Variants in PTPRN2 observed in about 807,000 individuals in gnomAD.
The protein encoded by PTPRN2 is receptor-type tyrosine-protein phosphatase N2.
Under a neutral mutation model 118.8 loss-of-function variants are expected in PTPRN2, and 74 were observed. The observed-to-expected ratio is 0.62, with a 90% CI of 0.52 to 0.76. The LOEUF (loss-of-function observed/expected upper bound fraction) is 0.76. PTPRN2 is among the 30% of genes least tolerant of loss of function. The pLI is 0.00. For missense variants in PTPRN2, 1,481 were observed against 1,394.4 expected (o/e 1.06, Z -0.99); for synonymous variants, 641 against 608.0 (o/e 1.05, Z -0.80).
chr7:157,941,403 A>G (rs1371876650), intron 11 of PTPRN2, among the ~76,000 whole-genome samples: 1 of 133,994 alleles, frequency 7.5e-6, no homozygotes, highest in Non-Finnish European at 1.5e-5. Flanking sequence ...ATGACACTGC[A>G]AATCTAACAC....
chr7:158,346,985 A>G (rs1016089461), intron 2 of PTPRN2, among the ~76,000 whole-genome samples: 1 of 152,102 alleles, frequency 6.6e-6, no homozygotes, highest in Non-Finnish European at 1.5e-5. Flanking sequence ...TGAGCTTATT[A>G]TATATTTTGG....
At chr7:157,758,882 A>G (rs1292015366) in intron 12 of PTPRN2, among the ~76,000 whole-genome samples, 2 of 152,156 alleles carry the variant, frequency 1.3e-5, no homozygotes, top group Admixed American at 1.3e-4. Context: ...CTCTGTGGCT[A>G]ACAAACAGCG....
chr7:158,046,000 C>A (rs966076440), intron 11 of PTPRN2, among the ~76,000 whole-genome samples: 1 of 148,062 alleles, frequency 6.8e-6, no homozygotes, highest in African/African-American at 2.5e-5. Context: ...AACCTGCGAT[C>A]CTGGAGTCCT....
intron 11 of PTPRN2, among the ~76,000 whole-genome samples, chr7:158,071,348 CGTG>C (rs1329836663): frequency 9.2e-4 from 82 of 89,456 alleles, no homozygotes; most frequent in South Asian, 1.7e-3. Context: ...TGGAGGTGCT[CGTG>C]GTGGTGGAGG....
At position 157,619,212 on chromosome 7, in the gene PTPRN2, C is replaced by T. The variant is rs755737876; in HGVS notation, c.2344+2150G>A. 3.9e-5 allele frequency among the ~76,000 whole-genome samples: 6 copies of T among 152,176 alleles called. No homozygotes were observed. The highest frequency in any genetic ancestry group is 7.4e-5 in the Non-Finnish European group (5 of 68,018). Reference sequence around the variant, plus strand: ...CCCCATCGGCAGGTCGTTTCTGCCACGCTCCGGGCTGTCTTTGGGGAGGGC... The same window carrying T: ...CCCCATCGGCAGGTCGTTTCTGCCATGCTCCGGGCTGTCTTTGGGGAGGGC... On this transcript the variant is annotated intron_variant, in intron 15 of 22. Coordinates refer to ENST00000389418, the MANE Select transcript of PTPRN2 (RefSeq NM_002847.5). The surrounding 1 kb of genome is among the most constrained non-coding windows in gnomAD (Gnocchi z 5.3).
chr7:158,221,006 T>C (rs1318633289), intron 3 of PTPRN2, among the ~76,000 whole-genome samples: 4 of 151,738 alleles, frequency 2.6e-5, no homozygotes, highest in Non-Finnish European at 5.9e-5. Context: ...ATGGTACTGG[T>C]ACAAAAACAG....
chr7:158,139,660 G>A (rs1029748230), intron 6 of PTPRN2, among the ~76,000 whole-genome samples: 6 of 151,940 alleles, frequency 3.9e-5, no homozygotes, highest in Admixed American at 3.3e-4. Flanking sequence ...GTCAGAGATG[G>A]AGAAGATTCC....
chr7:158,072,014 A>ATGGAGGTGCCCGTGG, intron 11 of PTPRN2, among the ~76,000 whole-genome samples: 6 of 62,820 alleles, frequency 9.6e-5, no homozygotes, highest in African/African-American at 3.9e-4. Flanking sequence ...TGCTCGTCGT[A>ATGGAGGTGCCCGTGG]TGGAGGTGCT....
chr7:158,119,933 A>G (rs1817022032), intron 9 of PTPRN2, among the ~76,000 whole-genome samples: 1 of 152,136 alleles, frequency 6.6e-6, no homozygotes, highest in South Asian at 2.1e-4. Flanking sequence ...CTCAATCACT[A>G]AAGCATGGGG....
Position 157,971,622 on chromosome 7 carries a change from T to C in PTPRN2, c.1724-72885A>G, listed in dbSNP as rs144450744. Among the ~76,000 whole-genome samples the C allele has an allele frequency of 9.2e-5, 14 of 152,236 alleles. No individual in the cohort carries two copies. In the East Asian group the frequency reaches 2.5e-3, roughly 27 times the overall value. On this transcript the variant is annotated intron_variant, in intron 11 of 22. Coordinates refer to ENST00000389418, the MANE Select transcript of PTPRN2 (RefSeq NM_002847.5). ...ATCTTGTAAAACTGCCACCCTGTTT[T>C]ACGATTAAGTGCATTTCTTGCACAC...
rs111235309 is a variant in PTPRN2, at chr7:158,169,773, C to T, written c.550-2482G>A. ...AGTGGCACATCTCGGCTCACTGCAACCTCCACCTCTGGGGTTCAAGCGACT... is the reference window on the plus strand; with the variant it reads ...AGTGGCACATCTCGGCTCACTGCAATCTCCACCTCTGGGGTTCAAGCGACT... On this transcript the variant is annotated intron_variant, in intron 5 of 22. Coordinates refer to ENST00000389418, the MANE Select transcript of PTPRN2 (RefSeq NM_002847.5). 4.3e-3 allele frequency among the ~76,000 whole-genome samples: 660 copies of T among 152,110 alleles called. 4 individuals are homozygous for T. Among genetic ancestry groups the T allele is most frequent in the Non-Finnish European group, 7.2e-3 (492 of 68,010 alleles).
chr7:157,983,853 C>T (rs1193311275), intron 11 of PTPRN2, among the ~76,000 whole-genome samples: 2 of 152,178 alleles, frequency 1.3e-5, no homozygotes, highest in African/African-American at 4.8e-5. Context: ...GTGGGTCTGG[C>T]TGTGTGAGCC....
chr7:158,462,111 C>T (rs1341691468), intron 2 of PTPRN2, among the ~76,000 whole-genome samples: 1 of 44,196 alleles, frequency 2.3e-5, no homozygotes, highest in African/African-American at 7.0e-5. Context: ...GGTCCACACA[C>T]CAGGGCCCCT....
chr7:158,103,538 C>T (rs1275491774), intron 10 of PTPRN2, among the ~76,000 whole-genome samples: 2 of 152,218 alleles, frequency 1.3e-5, no homozygotes, highest in East Asian at 3.9e-4. Context: ...TTCCCTTCCT[C>T]TCCAGCCTCA....
chr7:158,441,013 TAGTC>T (rs1817023886), intron 2 of PTPRN2, among the ~76,000 whole-genome samples: 2 of 146,716 alleles, frequency 1.4e-5, no homozygotes, highest in Non-Finnish European at 3.0e-5. Context: ...GGGGTGGTGG[TAGTC>T]GTGGTGGTGG....
intron 3 of PTPRN2, among the ~76,000 whole-genome samples, chr7:158,282,884 C>A (rs981446310): frequency 2.0e-5 from 3 of 150,688 alleles, no homozygotes; most frequent in African/African-American, 7.3e-5. Context: ...CAGCGGGACA[C>A]AGAGGGCTCA....
chr7:158,114,600 G>C (rs1450779787), intron 9 of PTPRN2, among the ~76,000 whole-genome samples: 1 of 152,230 alleles, frequency 6.6e-6, no homozygotes, highest in Non-Finnish European at 1.5e-5. Flanking sequence ...TGAGAGAGGA[G>C]GAGGAGCCAG....
intron 1 of PTPRN2, among the ~76,000 whole-genome samples, chr7:158,547,496 G>A (rs1441706411): frequency 1.3e-5 from 2 of 152,170 alleles, no homozygotes; most frequent in Non-Finnish European, 2.9e-5. Context: ...TTCCGTGTCT[G>A]GCTTATTCCA....
At chr7:158,153,424 C>A (rs1325120918) in intron 6 of PTPRN2, among the ~76,000 whole-genome samples, 1 of 152,162 alleles carries the variant, frequency 6.6e-6, no homozygotes. Flanking sequence ...CAAAAGAGCA[C>A]CCTGTAACAC....
Sources: gnomAD v4.1 joint callset for allele counts (sites outside exome capture counted in the v4.1 genomes callset) on GRCh38, gnomAD v4.1.1 for gene constraint, Gnocchi (gnomAD v3.1) non-coding constraint, MANE v1.5 for transcripts, NCBI Gene and HGNC (gene_info 2026-07-23, HGNC 2026-07-21) for gene names.